Variants in SCML2 observed in about 807,000 individuals in gnomAD.
SCML2 encodes the protein sex comb on midleg-like protein 2.
In SCML2, 6 loss-of-function variants were observed where a neutral mutation model predicts 48.4. The observed-to-expected ratio is 0.12, with a 90% confidence interval of 0.07 to 0.24. The LOEUF (loss-of-function observed/expected upper bound fraction) is 0.24, where lower values mean the gene tolerates loss of function less well. SCML2 is among the 10% of genes least tolerant of loss of function. The pLI, the probability that SCML2 is intolerant of heterozygous loss-of-function variation, is 1.00. For missense variants in SCML2, 377 were observed against 528.2 expected, an observed-to-expected ratio of 0.71 and a Z score of 2.81; for synonymous variants, 181 against 189.5, an observed-to-expected ratio of 0.95 and a Z score of 0.37.
At position 18,338,471 on chromosome X, in the gene SCML2, C is replaced by A. The variant is rs1183348233; in HGVS notation, c.-24-4376G>T. 3.3e-4 allele frequency among the ~76,000 whole-genome samples: 31 copies of A among 93,634 alleles called. No homozygotes were observed. The East Asian group carries it at 8.0e-3, about 24-fold the overall frequency. 81.3% of individuals were successfully genotyped at this position (93,634 alleles called of 115,157 possible). ...AAAAAAAAAAAAGAAAAAAAAAAAACAATCCAGGCACAAACTGTATGATCT... is the reference window on the plus strand; with the variant it reads ...AAAAAAAAAAAAGAAAAAAAAAAAAAAATCCAGGCACAAACTGTATGATCT... On this transcript the variant is annotated intron_variant, in intron 1 of 14. Transcript: ENST00000251900.
At chrX:18,337,109 C>T (rs1312297591) in intron 1 of SCML2, among the ~76,000 whole-genome samples, 1 of 109,325 alleles carries the variant, frequency 9.1e-6, no homozygotes, top group Admixed American at 9.8e-5. Context: ...CGAGACCAGC[C>T]TGGCCAACAT....
intron 14 of SCML2, among the ~76,000 whole-genome samples, chrX:18,241,820 T>C (rs1926274718): frequency 8.9e-6 from 1 of 112,087 alleles, no homozygotes; most frequent in Non-Finnish European, 1.9e-5. Context: ...CAGTTAGTTG[T>C]CTGAAGCTGG....
At chrX:18,273,359 T>G (rs1326891752) in intron 7 of SCML2, among the ~76,000 whole-genome samples, 2 of 111,688 alleles carry the variant, frequency 1.8e-5, no homozygotes, top group South Asian at 7.5e-4. Context: ...AGCATAGGCC[T>G]CTTGCAAGTT....
In SCML2 at chrX:18,304,986, G is replaced by A. The variant is rs1801595071; in HGVS notation, c.716C>T (p.Pro239Leu). The change falls in exon 7 of 15, where the codon CCC becomes CTC. Residue 239 changes from proline to leucine, a missense_variant. Transcript: ENST00000251900. ...WCRLTGDVLQ[P>L]PGTSVPIVKN... is the part of the protein sequence containing the mutation. ...TATTATCTTACCACTAGTTCCTGGG[G>A]GTTGTAATACATCTCCTGTCAGGCG... is the stretch of plus-strand genomic sequence containing the variant. 3 of 1,208,951 alleles carry A rather than the reference G, an allele frequency of 2.5e-6. No individual in the cohort carries two copies. The highest frequency in any genetic ancestry group is 3.4e-6 in the Non-Finnish European group (3 of 894,335).
At chrX:18,334,161 A>C (rs972627879) in intron 1 of SCML2, 66 bp from the exon 2 acceptor site, 6 of 763,540 alleles carry the variant, frequency 7.9e-6, no homozygotes, top group Middle Eastern at 2.9e-4. Context: ...ATAAGAAGTC[A>C]GTTATAAGGC....
chrX:18,301,236 A>G (rs1226972006), intron 7 of SCML2, among the ~76,000 whole-genome samples: 1 of 110,461 alleles, frequency 9.1e-6, no homozygotes, highest in African/African-American at 3.3e-5. Flanking sequence ...CGTCTTTACT[A>G]AAATTACAAA....
At chrX:18,273,929 C>T (rs1275437494) in intron 7 of SCML2, among the ~76,000 whole-genome samples, 1 of 110,617 alleles carries the variant, frequency 9.0e-6, no homozygotes, top group African/African-American at 3.3e-5. Context: ...GGAGGATTGC[C>T]TTCCCACTCC....
intron 5 of SCML2, among the ~76,000 whole-genome samples, chrX:18,321,598 G>GAAAA (rs776249974): frequency 7.4e-5 from 3 of 40,595 alleles, no homozygotes; most frequent in Non-Finnish European, 1.3e-4. Context: ...CACAATTGTT[G>GAAAA]AAAAAAAAAA....
intron 13 of SCML2, 81 bp from the exon 14 acceptor site, chrX:18,242,671 G>T: frequency 9.9e-7 from 1 of 1,014,897 alleles, no homozygotes; most frequent in Non-Finnish European, 1.3e-6. Flanking sequence ...AGGGAATAAT[G>T]GTCTCATTCC....
At chrX:18,280,789 C>T (rs1927806000) in intron 7 of SCML2, among the ~76,000 whole-genome samples, 1 of 111,456 alleles carries the variant, frequency 9.0e-6, no homozygotes, top group African/African-American at 3.3e-5. Context: ...AGGGTATGAT[C>T]CAACAAGAAG....
At position 18,274,288 on chromosome X, in the gene SCML2, C is replaced by G. The variant is rs1429348272; in HGVS notation, c.731-8486G>C. Among the ~76,000 whole-genome samples, 6 of 111,925 alleles carry G rather than the reference C, an allele frequency of 5.4e-5. No individual in the cohort carries two copies. The Admixed American group carries it at 5.7e-4, about 11-fold the overall frequency. On this transcript the variant is annotated intron_variant, in intron 7 of 14. Transcript: ENST00000251900. ...TCGCCCCAGCTCCTGCACCTGCCCA[C>G]CTGTATGTTCCTCTTCCCACAAGGG...
intron 7 of SCML2, among the ~76,000 whole-genome samples, chrX:18,270,689 C>T (rs1213016890): frequency 4.5e-5 from 5 of 111,165 alleles, no homozygotes; most frequent in African/African-American, 1.3e-4. Flanking sequence ...TATAGATATA[C>T]ATACATATAT....
intron 7 of SCML2, among the ~76,000 whole-genome samples, chrX:18,280,295 T>C (rs1476855625): frequency 9.0e-6 from 1 of 111,401 alleles, no homozygotes; most frequent in African/African-American, 3.3e-5. Flanking sequence ...ATAAAATCCT[T>C]CTCAGACAAG....
intron 7 of SCML2, among the ~76,000 whole-genome samples, chrX:18,282,173 A>G: frequency 9.0e-6 from 1 of 111,327 alleles, no homozygotes; most frequent in East Asian, 2.8e-4. Context: ...CAAAAGATCA[A>G]GGAAACCAAG....
intron 7 of SCML2, among the ~76,000 whole-genome samples, chrX:18,303,119 G>C (rs937153761): frequency 5.4e-5 from 6 of 110,697 alleles, no homozygotes; most frequent in Non-Finnish European, 1.1e-4. Flanking sequence ...CGTAACAGCA[G>C]GATAAAAGCA....
At chrX:18,276,443 T>C (rs1007229612) in intron 7 of SCML2, among the ~76,000 whole-genome samples, 2 of 111,774 alleles carry the variant, frequency 1.8e-5, no homozygotes, top group Non-Finnish European at 3.8e-5. Flanking sequence ...GCTCATATGG[T>C]AGTAGTGCTG....
At position 18,241,149 on chromosome X, in the gene SCML2, G is replaced by A. The variant is rs888730791; in HGVS notation, c.*102C>T. 2.8e-6 allele frequency: 2 copies of A among 705,389 alleles called. No individual in the cohort carries two copies. The highest frequency in any genetic ancestry group is 3.9e-6 in the Non-Finnish European group (2 of 512,194). 58.1% of individuals were successfully genotyped at this position (705,389 alleles called of 1,213,427 possible). On this transcript the variant is annotated 3_prime_UTR_variant, in exon 15 of 15. Transcript: ENST00000251900. ...TGCAATTCTGATAAAATATTTTTATGGGAACTGTCTACAAAACAAAAACTG... is the reference window on the plus strand; with the variant it reads ...TGCAATTCTGATAAAATATTTTTATAGGAACTGTCTACAAAACAAAAACTG...
chrX:18,354,453 A>G, intron 1 of SCML2, 139 bp downstream of exon 1: 2 of 225,240 alleles, frequency 8.9e-6, no homozygotes, highest in Non-Finnish European at 1.6e-5. Flanking sequence ...GAGATGGGAC[A>G]TAGGCGGGAT....
At chrX:18,296,237 G>A (rs191452983) in intron 7 of SCML2, among the ~76,000 whole-genome samples, 1 of 110,728 alleles carries the variant, frequency 9.0e-6, no homozygotes, top group East Asian at 2.8e-4. Flanking sequence ...GGTTGTGAAT[G>A]AGAAATTCAC....
Sources: gnomAD v4.1 joint callset for allele counts (sites outside exome capture counted in the v4.1 genomes callset) on GRCh38, gnomAD v4.1.1 for gene constraint, MANE v1.5 for transcripts, NCBI Gene and HGNC (gene_info 2026-07-23, HGNC 2026-07-21) for gene names.